Variants in HMCN1 observed in about 807,000 individuals in gnomAD.
HMCN1 encodes hemicentin-1.
In HMCN1, 321 loss-of-function variants were observed where a neutral mutation model predicts 625.9. That is an observed-to-expected ratio of 0.51 (90% CI 0.47 to 0.56). HMCN1 has a LOEUF of 0.56. Among genes scored for constraint, HMCN1 ranks in the 20% least tolerant of loss-of-function variants. The pLI, the probability that HMCN1 is intolerant of heterozygous loss-of-function variation, is 0.00. For synonymous variants in HMCN1, 2,425 were observed against 2,417.6 expected (o/e 1.00, Z -0.09); for missense variants, 6,588 against 6,887.3 (o/e 0.96, Z 1.54).
chr1:186,114,689 A>G (rs1238409174), intron 73 of HMCN1, 130 bp from the exon 74 acceptor site: 1 of 1,072,958 alleles, frequency 9.3e-7, no homozygotes, highest in Admixed American at 1.7e-5. Flanking sequence ...AGGGTATCAT[A>G]AACATGTGTC....
intron 53 of HMCN1, among the ~76,000 whole-genome samples, chr1:186,075,210 A>G (rs953324436): frequency 5.9e-5 from 9 of 152,106 alleles, no homozygotes; most frequent in African/African-American, 1.2e-4. Flanking sequence ...TTTACATGAA[A>G]GGCAGGAAAG....
chr1:185,953,723 T>C (rs1649407524), intron 11 of HMCN1, among the ~76,000 whole-genome samples: 2 of 151,698 alleles, frequency 1.3e-5, no homozygotes, highest in South Asian at 4.1e-4. Context: ...GGGATTGAAC[T>C]CCCAAGGGAG....
In HMCN1 at chr1:186,145,882, A is replaced by G; in HGVS notation, c.14567A>G (p.Asp4856Gly). 1.2e-6 allele frequency: 2 copies of G among 1,614,044 alleles called. No individual in the cohort carries two copies. The highest frequency in any genetic ancestry group is 1.3e-5 in the African/African-American group (1 of 75,012). Residue 4856 changes from aspartate to glycine, a missense_variant, in exon 93 of 107, where the codon GAC becomes GGC. Physicochemically the swap from Asp to Gly is moderately conservative, Grantham distance 94. This residue lies in a region of HMCN1 where 1,954 missense variants were observed against 2,013.1 expected (regional missense o/e 0.97). Transcript: ENST00000271588. Reference protein sequence around the residue: ...PVKGGRPCPGDTTQVTRCNVQ... With the variant: ...PVKGGRPCPGGTTQVTRCNVQ... The stretch of plus-strand genomic sequence containing the variant: ...AAAGGTGGCCGTCCCTGTCCCGGAG[A>G]CACTACTCAGGTGACCAGGTGCAAT...
At chr1:185,915,013 G>A (rs1042189651) in intron 6 of HMCN1, among the ~76,000 whole-genome samples, 4 of 151,970 alleles carry the variant, frequency 2.6e-5, no homozygotes, top group African/African-American at 9.7e-5. Flanking sequence ...ACACTAATAC[G>A]TTTACGATTT....
chr1:185,977,860 T>A lies in HMCN1; in HGVS notation c.2445T>A (p.Tyr815Ter). Residue 815 changes from tyrosine to a stop codon, truncating the protein, a stop_gained, in exon 16 of 107, where the codon TAT becomes TAA. Coordinates refer to ENST00000271588, the MANE Select transcript of HMCN1 (RefSeq NM_031935.3). LOFTEE classifies it high-confidence loss of function. ...EIGSNVTLPC[Y>*]VQGYPEPTIK... ...GCTCAAATGTGACATTACCTTGTTA[T>A]GTTCAGGGTTATCCAGAACCAACAA... 6.2e-7 allele frequency: 1 copy of A among 1,612,764 alleles called. No individual in the cohort carries two copies. Among genetic ancestry groups the A allele is most frequent in the Non-Finnish European group, 8.5e-7 (1 of 1,178,924 alleles).
intron 2 of HMCN1, 108 bp downstream of exon 2, chr1:185,846,204 G>C: frequency 1.2e-6 from 1 of 836,084 alleles, no homozygotes; most frequent in Non-Finnish European, 2.0e-6. Context: ...GCTTTTTAAG[G>C]GACCCAATAA....
intron 8 of HMCN1, among the ~76,000 whole-genome samples, chr1:185,924,247 T>TTTTC (rs1203202031): frequency 7.2e-6 from 1 of 138,312 alleles, no homozygotes; most frequent in African/African-American, 2.9e-5. Context: ...TTTTTTTTTT[T>TTTTC]TGAGACGGAG....
chr1:185,995,540 C>T (rs957988047), intron 24 of HMCN1, among the ~76,000 whole-genome samples: 3 of 152,070 alleles, frequency 2.0e-5, no homozygotes, highest in Non-Finnish European at 2.9e-5. Flanking sequence ...AAATACTGAT[C>T]GAGCTCTTGC....
At chr1:185,874,792 G>A (rs1663829365) in intron 4 of HMCN1, among the ~76,000 whole-genome samples, 1 of 151,712 alleles carries the variant, frequency 6.6e-6, no homozygotes, top group Admixed American at 6.6e-5. Context: ...ATGATTGTTG[G>A]GTTATTTCAT....
At chr1:186,124,613 T>A (rs961000508) in intron 81 of HMCN1, among the ~76,000 whole-genome samples, 2 of 152,048 alleles carry the variant, frequency 1.3e-5, no homozygotes, top group African/African-American at 4.8e-5. Flanking sequence ...TATAATTATT[T>A]ATATAATGTT....
intron 1 of HMCN1, among the ~76,000 whole-genome samples, chr1:185,816,547 G>A (rs1659855825): frequency 6.6e-6 from 1 of 152,142 alleles, no homozygotes; most frequent in East Asian, 1.9e-4. Context: ...AAATAATGAT[G>A]TATAACGTTT....
chr1:185,737,741 A>G (rs751784305), intron 1 of HMCN1, among the ~76,000 whole-genome samples: 5 of 152,176 alleles, frequency 3.3e-5, no homozygotes, highest in Non-Finnish European at 7.3e-5. Flanking sequence ...TTTGACATCT[A>G]TCGCATTTAG....
At position 186,113,961 on chromosome 1, in the gene HMCN1, T is replaced by C. The variant is rs1294266210; in HGVS notation, c.11132-18T>C. On this transcript the variant is annotated intron_variant, in intron 72 of 106. Transcript: ENST00000271588. ...TATTTAGTCTCACTGAATTTTTTCATGTGTATCTCTTGTTCAGTTCCTCCA... is the reference window on the plus strand; with the variant it reads ...TATTTAGTCTCACTGAATTTTTTCACGTGTATCTCTTGTTCAGTTCCTCCA... 1 of 1,613,888 alleles carries C rather than the reference T, an allele frequency of 6.2e-7. No homozygotes were observed. The highest frequency in any genetic ancestry group is 1.3e-5 in the African/African-American group (1 of 74,940).
At chr1:186,147,591 A>G (rs1054283474) in intron 93 of HMCN1, among the ~76,000 whole-genome samples, 1 of 152,168 alleles carries the variant, frequency 6.6e-6, no homozygotes, top group Admixed American at 6.5e-5. Flanking sequence ...AATATATAAT[A>G]TAAGCATACC....
intron 22 of HMCN1, among the ~76,000 whole-genome samples, chr1:185,992,711 C>A (rs1652511674): frequency 6.6e-6 from 1 of 152,252 alleles, no homozygotes; most frequent in South Asian, 2.1e-4. Context: ...CTCCCCTATC[C>A]TTTAAAACTA....
intron 4 of HMCN1, among the ~76,000 whole-genome samples, chr1:185,901,448 A>G (rs931586382): frequency 6.6e-6 from 1 of 151,804 alleles, no homozygotes; most frequent in African/African-American, 2.4e-5. Context: ...ACAATGGTTA[A>G]GGGAATAAGA....
intron 1 of HMCN1, among the ~76,000 whole-genome samples, chr1:185,841,024 G>A (rs969933621): frequency 2.6e-5 from 4 of 152,168 alleles, no homozygotes; most frequent in Non-Finnish European, 5.9e-5. Context: ...AAAAGGAAGT[G>A]AGAGGCTGGA....
At chr1:185,822,301 G>A (rs1300603569) in intron 1 of HMCN1, among the ~76,000 whole-genome samples, 2 of 152,066 alleles carry the variant, frequency 1.3e-5, no homozygotes, top group Non-Finnish European at 2.9e-5. Context: ...TGTGGGGCGG[G>A]GTGGGCAGGA....
intron 28 of HMCN1, among the ~76,000 whole-genome samples, chr1:186,003,153 T>C (rs1253681200): frequency 6.6e-6 from 1 of 152,128 alleles, no homozygotes; most frequent in Non-Finnish European, 1.5e-5. Flanking sequence ...CCAAGCACTT[T>C]AACATGGTGT....
Sources: allele counts gnomAD v4.1 joint callset (sites outside exome capture counted in the v4.1 genomes callset), GRCh38; gene constraint gnomAD v4.1.1; regional missense constraint gnomAD v4.1.1; transcripts MANE v1.5; gene names NCBI Gene and HGNC (gene_info 2026-07-23, HGNC 2026-07-21).